The following ZNF99 variants were observed in gnomAD, a reference collection of about 807,000 sequenced individuals.
ZNF99 encodes zinc finger protein 99.
Under a neutral mutation model 12.8 loss-of-function variants are expected in ZNF99, and 8 were observed. That is an observed-to-expected ratio of 0.62 (90% CI 0.37 to 1.13). The LOEUF (loss-of-function observed/expected upper bound fraction) is 1.13, where lower values mean the gene tolerates loss of function less well. Among genes scored for constraint, ZNF99 ranks in the 50% most tolerant of loss-of-function variants. The pLI, the probability that ZNF99 is intolerant of heterozygous loss-of-function variation, is 0.02. For synonymous variants in ZNF99, 318 were observed against 319.0 expected (o/e 1.00, Z 0.03); for missense variants, 1,007 against 1,006.2 (o/e 1.00, Z -0.01).
At chr19:22,775,673 A>G (rs1250522743) in intron 1 of ZNF99, among the ~76,000 whole-genome samples, 1 of 152,262 alleles carries the variant, frequency 6.6e-6, no homozygotes, top group Non-Finnish European at 1.5e-5. Context: ...ACAAAGGTCT[A>G]GTATCTAGAA....
chr19:22,773,076 T>C (rs1187817239), intron 1 of ZNF99, among the ~76,000 whole-genome samples: 2 of 152,204 alleles, frequency 1.3e-5, no homozygotes, highest in Non-Finnish European at 2.9e-5. Context: ...AATTCTGATC[T>C]AGCCTCTCTA....
In ZNF99 at chr19:22,755,555, AT is replaced by A; in HGVS notation, c.*1758del. 3.3e-6 allele frequency: 1 copy of A among 303,494 alleles called. No individual in the cohort carries two copies. The allele number at this position is 303,494 out of a possible 1,614,324, so 18.8% of individuals were successfully genotyped here. A position where few individuals can be genotyped will look rare whatever the true frequency, so the allele number is the denominator to read the frequency against. The stretch of plus-strand genomic sequence containing the variant: ...TTTGTAAAGTATCTCTCCAGTATGA[AT>A]TATCTTATGTTCAGTAAGTTTTGAG... On this transcript the variant is annotated 3_prime_UTR_variant, in exon 4 of 4. Coordinates refer to ENST00000596209, the MANE Select transcript of ZNF99 (RefSeq NM_001080409.3).
chr19:22,782,000 A>T (rs1355958706), intron 1 of ZNF99, among the ~76,000 whole-genome samples: 1 of 152,058 alleles, frequency 6.6e-6, no homozygotes, highest in Non-Finnish European at 1.5e-5. Flanking sequence ...GTGTCAGGGG[A>T]TTATTTTTTG....
chr19:22,768,373 A>G lies in ZNF99; in HGVS notation c.158T>C (p.Ile53Thr). 1.9e-6 allele frequency: 3 copies of G among 1,613,936 alleles called. No individual in the cohort carries two copies. Among genetic ancestry groups the G allele is most frequent in the Non-Finnish European group, 2.5e-6 (3 of 1,179,932 alleles). ...LGIAVSKLDL[I>T]TCLKQGKEPW... Reference sequence around the variant, plus strand: ...CTCTTTCCCTTGCTTCAGACAAGTTATCAAGTCTAGCTTAGAGACAGCGAT... The same window carrying G: ...CTCTTTCCCTTGCTTCAGACAAGTTGTCAAGTCTAGCTTAGAGACAGCGAT... Residue 53 changes from isoleucine to threonine, a missense_variant, in exon 3 of 4, where the codon ATA (isoleucine) becomes ACA (threonine). By Grantham distance (89) the Ile-to-Thr change is moderately conservative. Coordinates refer to ENST00000596209, the MANE Select transcript of ZNF99 (RefSeq NM_001080409.3).
intron 3 of ZNF99, 127 bp downstream of exon 3, chr19:22,768,178 A>T: frequency 1.9e-6 from 2 of 1,060,834 alleles, no homozygotes; most frequent in Middle Eastern, 2.0e-4. Flanking sequence ...AATTTTAAAA[A>T]ATCTCAGTCT....
In ZNF99 at chr19:22,752,324, A is replaced by G. The variant is rs761011407; in HGVS notation, c.*4990T>C. 2.6e-5 allele frequency: 4 copies of G among 152,228 alleles called. No homozygotes were observed. Among genetic ancestry groups the G allele is most frequent in the Non-Finnish European group, 5.9e-5 (4 of 68,008 alleles). 9.4% of individuals were successfully genotyped at this position (152,228 alleles called of 1,614,324 possible). A position where few individuals can be genotyped will look rare whatever the true frequency, so the allele number is the denominator to read the frequency against. On this transcript the variant is annotated 3_prime_UTR_variant, in exon 4 of 4. Coordinates refer to ENST00000596209, the MANE Select transcript of ZNF99 (RefSeq NM_001080409.3). ...ATTTGGATTGCTTGTAATTCAAGGAATAAATGTTGAAGGTGAAGAATCCCT... is the reference window on the plus strand; with the variant it reads ...ATTTGGATTGCTTGTAATTCAAGGAGTAAATGTTGAAGGTGAAGAATCCCT...
In ZNF99 at chr19:22,752,769, A is replaced by G. The variant is rs902581239; in HGVS notation, c.*4545T>C. ...ATATAATCTAAAAATTTATGAATGT[A>G]CTACATTACATAAAAGCACAACTAA... On this transcript the variant is annotated 3_prime_UTR_variant, in exon 4 of 4. Transcript: ENST00000596209. The G allele has an allele frequency of 6.6e-6, 1 of 152,050 alleles. No individual in the cohort carries two copies. The highest frequency in any genetic ancestry group is 2.4e-5 in the African/African-American group (1 of 41,358). 9.4% of individuals were successfully genotyped at this position (152,050 alleles called of 1,614,324 possible).
Position 22,759,151 on chromosome 19 carries a change from C to T in ZNF99, c.758G>A (p.Gly253Glu). The part of the protein sequence containing the change: ...MFTKCKIIHT[G>E]KKPCKCEECG... The stretch of plus-strand genomic sequence containing the variant: ...TTCTTCACATTTGCAGGGTTTCTTT[C>T]CAGTATGAATTATCTTACATTTAGT... The change falls in exon 4 of 4, where the codon GGA (glycine) becomes GAA (glutamate). Residue 253 changes from glycine (G) to glutamate (E), a missense_variant. By Grantham distance (98) the Gly-to-Glu change is moderately conservative. Transcript: ENST00000596209. 1 of 1,607,740 alleles carries T rather than the reference C, an allele frequency of 6.2e-7. No individual in the cohort carries two copies. Among genetic ancestry groups the T allele is most frequent in the Non-Finnish European group, 8.5e-7 (1 of 1,176,678 alleles).
At chr19:22,783,900 G>A in intron 1 of ZNF99, 114 bp downstream of exon 1, 1 of 1,391,328 alleles carries the variant, frequency 7.2e-7, no homozygotes, top group Non-Finnish European at 1.0e-6. Context: ...GCAAGAGCTC[G>A]GGGCGCAGAC....
chr19:22,756,321 G>T lies in ZNF99; in HGVS notation c.*993C>A. On this transcript the variant is annotated 3_prime_UTR_variant, in exon 4 of 4. Transcript: ENST00000596209. ...TTCCCTCCAGTATGAATTGTTTTATGTTGAGTAAGGTGTGAGGACTGGTTA... is the reference window on the plus strand; with the variant it reads ...TTCCCTCCAGTATGAATTGTTTTATTTTGAGTAAGGTGTGAGGACTGGTTA... The T allele has an allele frequency of 6.4e-7, 1 of 1,568,216 alleles. No homozygotes were observed. The highest frequency in any genetic ancestry group is 1.1e-5 in the South Asian group (1 of 88,546).
chr19:22,757,461 G>A lies in ZNF99; in HGVS notation c.2448C>T (p.Ser816=). The A allele has an allele frequency of 3.1e-6, 5 of 1,606,376 alleles. No individual in the cohort carries two copies. Among genetic ancestry groups the A allele is most frequent in the Non-Finnish European group, 4.2e-6 (5 of 1,178,510 alleles). ...KHEIIHTGEK[S]YKCEECGKAF... ...CTTTACCACATTCTTCACATTTGTAGGATTTCTCTCCAGTATGAATTATCT... is the reference window on the plus strand; with the variant it reads ...CTTTACCACATTCTTCACATTTGTAAGATTTCTCTCCAGTATGAATTATCT... Residue 816 remains serine (S), a synonymous_variant, in exon 4 of 4, where the codon TCC becomes TCT. Transcript: ENST00000596209.
In ZNF99 at chr19:22,784,002, C is replaced by G. The variant is rs576401386; in HGVS notation, c.3+12G>C. The G allele has an allele frequency of 6.2e-7, 1 of 1,613,766 alleles. No individual in the cohort carries two copies. The highest frequency in any genetic ancestry group is 1.3e-5 in the African/African-American group (1 of 75,006). On this transcript the variant is annotated intron_variant, in intron 1 of 3. Coordinates refer to ENST00000596209, the MANE Select transcript of ZNF99 (RefSeq NM_001080409.3). ...CTTCCCCTTCTCAGGATATCGGACC[C>G]GGCACTCTCACCATTTCTAAGCTTC...
In ZNF99 at chr19:22,755,426, TA is replaced by T; in HGVS notation, c.*1887del. On this transcript the variant is annotated 3_prime_UTR_variant, in exon 4 of 4. Transcript: ENST00000596209. Reference sequence around the variant, plus strand: ...TGTTCAGTAAGGTTTGAGGACCAGTTAAAAGTTTTGCCACACTCTTCACATG... The same window carrying T: ...TGTTCAGTAAGGTTTGAGGACCAGTTAAAGTTTTGCCACACTCTTCACATG... 3.3e-6 allele frequency: 1 copy of T among 298,920 alleles called. No homozygotes were observed. The allele number at this position is 298,920 out of a possible 1,614,324, so 18.5% of individuals were successfully genotyped here. A position where few individuals can be genotyped will look rare whatever the true frequency, so the allele number is the denominator to read the frequency against.
At chr19:22,777,018 G>A (rs1300941897) in intron 1 of ZNF99, among the ~76,000 whole-genome samples, 1 of 152,074 alleles carries the variant, frequency 6.6e-6, no homozygotes, top group Non-Finnish European at 1.5e-5. Flanking sequence ...TGGGCTTGGT[G>A]GCACACACCT....
chr19:22,770,834 G>A (rs1449782765), intron 1 of ZNF99: 2 of 152,114 alleles, frequency 1.3e-5, no homozygotes, highest in Non-Finnish European at 2.9e-5. Flanking sequence ...TTATGCAAAT[G>A]TCAAGACACA....
At position 22,759,087 on chromosome 19, in the gene ZNF99, T is replaced by A; in HGVS notation, c.822A>T (p.Lys274Asn). ...TCTTCCCAGTATGAATTATCTTATGTTTCATAAGGGTTGAGGAATTGTTAA... is the reference window on the plus strand; with the variant it reads ...TCTTCCCAGTATGAATTATCTTATGATTCATAAGGGTTGAGGAATTGTTAA... The part of the protein sequence containing the change: ...KVFNNSSTLM[K>N]HKIIHTGKKP... Residue 274 changes from lysine (K) to asparagine (N), a missense_variant, in exon 4 of 4, where the codon AAA (lysine) becomes AAT (asparagine). By Grantham distance (94) the Lys-to-Asn change is moderately conservative. Transcript: ENST00000596209. 6.2e-7 allele frequency: 1 copy of A among 1,613,474 alleles called. No individual in the cohort carries two copies. The highest frequency in any genetic ancestry group is 8.5e-7 in the Non-Finnish European group (1 of 1,179,678).
In ZNF99 at chr19:22,754,632, C is replaced by A; in HGVS notation, c.*2682G>T. 1 of 345,868 alleles carries A rather than the reference C, an allele frequency of 2.9e-6. No homozygotes were observed. 21.4% of individuals were successfully genotyped at this position (345,868 alleles called of 1,614,324 possible). On this transcript the variant is annotated 3_prime_UTR_variant, in exon 4 of 4. Transcript: ENST00000596209. ...TGTGGTAAGATGTGAGAAATGGTTA[C>A]AGTGTTTGCCACATTCTTCATATTT...
chr19:22,756,908 C>A lies in ZNF99; in HGVS notation c.*406G>T. ...CTACAGTATGAATTACCTTATGTTC[C>A]ATAAGTTTTGAGACCACTTAAAAGC... On this transcript the variant is annotated 3_prime_UTR_variant, in exon 4 of 4. Coordinates refer to ENST00000596209, the MANE Select transcript of ZNF99 (RefSeq NM_001080409.3). 5.6e-6 allele frequency: 9 copies of A among 1,606,228 alleles called. No individual in the cohort carries two copies. The highest frequency in any genetic ancestry group is 7.7e-6 in the Non-Finnish European group (9 of 1,175,936).
At chr19:22,769,838 A>C (rs1266542680) in intron 1 of ZNF99, 2 of 1,301,004 alleles carry the variant, frequency 1.5e-6, no homozygotes, top group Non-Finnish European at 2.0e-6. Flanking sequence ...AAAGAATGGC[A>C]GAAGATCCAC....
Sources: allele counts gnomAD v4.1 joint callset (sites outside exome capture counted in the v4.1 genomes callset), GRCh38; gene constraint gnomAD v4.1.1; transcripts MANE v1.5; gene names NCBI Gene and HGNC (gene_info 2026-07-23, HGNC 2026-07-21).